The following MPPED1 variants were observed in gnomAD, a reference collection of about 807,000 sequenced individuals.
The protein encoded by MPPED1 is metallophosphoesterase domain-containing protein 1.
Under a neutral mutation model 36.2 loss-of-function variants are expected in MPPED1, and 16 were observed. The observed-to-expected ratio is 0.44, with a 90% CI of 0.30 to 0.67. MPPED1 has a LOEUF of 0.67. Among genes scored for constraint, MPPED1 ranks in the 30% least tolerant of loss-of-function variants. MPPED1 has a pLI of 0.10. For synonymous variants in MPPED1, 199 were observed against 191.3 expected (o/e 1.04, Z -0.33); for missense variants, 307 against 453.4 (o/e 0.68, Z 2.93).
At chr22:43,423,452 G>A (rs1929348119) in intron 1 of MPPED1, among the ~76,000 whole-genome samples, 1 of 152,200 alleles carries the variant, frequency 6.6e-6, no homozygotes, top group African/African-American at 2.4e-5. Context: ...AATGGCGCAA[G>A]TGTGTCCCCA....
chr22:43,418,117 G>A (rs951703473), intron 1 of MPPED1: 1 of 456,180 alleles, frequency 2.2e-6, no homozygotes, highest in African/African-American at 2.0e-5. Context: ...AGAAACACAG[G>A]TGTGTTCTGG....
At chr22:43,496,482 AGAT>A (rs1321206990) in intron 4 of MPPED1, among the ~76,000 whole-genome samples, 10 of 26,286 alleles carry the variant, frequency 3.8e-4, no homozygotes, top group Admixed American at 7.9e-4. Context: ...GTGGTGGTGG[AGAT>A]GGTGGTGGTG....
chr22:43,431,023 T>G (rs1053207579), intron 2 of MPPED1, among the ~76,000 whole-genome samples: 1,341 of 7,046 alleles, frequency 0.19, 8 homozygotes, highest in Non-Finnish European at 0.24. Flanking sequence ...TGTTGTTAAT[T>G]TTTTTTTTTT....
chr22:43,473,928 C>T (rs1931459903), intron 3 of MPPED1, among the ~76,000 whole-genome samples: 2 of 152,212 alleles, frequency 1.3e-5, no homozygotes, highest in African/African-American at 4.8e-5. Flanking sequence ...CCCAAAAGTT[C>T]GCACACAGCA....
At chr22:43,482,446 C>T (rs867551946) in intron 4 of MPPED1, among the ~76,000 whole-genome samples, 2 of 152,118 alleles carry the variant, frequency 1.3e-5, no homozygotes, top group African/African-American at 4.8e-5. Context: ...GCCAGGATGC[C>T]CTTCACCTCT....
intron 4 of MPPED1, among the ~76,000 whole-genome samples, chr22:43,480,886 T>C (rs1473454401): frequency 6.6e-6 from 1 of 151,336 alleles, no homozygotes; most frequent in Admixed American, 6.6e-5. Context: ...TGCAATGGCA[T>C]GATCTCGGCT....
intron 3 of MPPED1, among the ~76,000 whole-genome samples, chr22:43,472,933 A>G (rs1430709677): frequency 6.6e-6 from 1 of 151,412 alleles, no homozygotes; most frequent in Non-Finnish European, 1.5e-5. Flanking sequence ...ACCTCACTCT[A>G]CCCTTCCCTG....
chr22:43,464,738 G>A (rs1425516278), intron 3 of MPPED1, among the ~76,000 whole-genome samples: 1 of 152,186 alleles, frequency 6.6e-6, no homozygotes, highest in East Asian at 1.9e-4. Context: ...AGCTCACCTT[G>A]CTTCTTGTAG....
At chr22:43,457,304 T>C (rs1930787699) in intron 3 of MPPED1, among the ~76,000 whole-genome samples, 1 of 152,210 alleles carries the variant, frequency 6.6e-6, no homozygotes, top group Non-Finnish European at 1.5e-5. Context: ...TCTATTTTTT[T>C]CTGATGCTGG....
At chr22:43,434,908 C>T (rs1929897852) in intron 2 of MPPED1, 126 bp from the exon 3 acceptor site, 2 of 1,043,594 alleles carry the variant, frequency 1.9e-6, no homozygotes, top group East Asian at 2.5e-5. Flanking sequence ...GCGTCCAGTC[C>T]CTGGTCTGGT....
intron 1 of MPPED1, chr22:43,417,955 G>T (rs1281844744): frequency 6.8e-6 from 3 of 438,622 alleles, no homozygotes; most frequent in African/African-American, 6.0e-5. Flanking sequence ...GGGGATGGCT[G>T]TTGGGGGAGA....
chr22:43,472,774 G>A (rs542895747), intron 3 of MPPED1, among the ~76,000 whole-genome samples: 4 of 147,962 alleles, frequency 2.7e-5, no homozygotes, highest in African/African-American at 5.3e-5. Context: ...GCCATTTGCC[G>A]TGGCCATAGG....
At chr22:43,443,217 T>C (rs1033460661) in intron 3 of MPPED1, among the ~76,000 whole-genome samples, 1 of 152,130 alleles carries the variant, frequency 6.6e-6, no homozygotes, top group African/African-American at 2.4e-5. Flanking sequence ...TGCTGCACAG[T>C]GGAGGCCTGT....
chr22:43,495,701 GTGA>G (rs1569089003), intron 4 of MPPED1, among the ~76,000 whole-genome samples: 20 of 56,244 alleles, frequency 3.6e-4, no homozygotes, highest in Non-Finnish European at 5.0e-4. Flanking sequence ...GGTGGAGGTG[GTGA>G]TGGAGGTGGT....
Position 43,424,992 on chromosome 22 carries a change from C to T in MPPED1, c.7C>T (p.Arg3Cys), listed in dbSNP as rs759429599. ...GGGCGGCCGGCGGAGGTCCATGTGG[C>T]GCTCTAGGTGGGATGCCAGCGTCCT... MW[R>C]SRWDASVLKA... is the part of the protein sequence containing the mutation. The change falls in exon 2 of 7, where the codon CGC (arginine) becomes TGC (cysteine). Residue 3 changes from arginine to cysteine, a missense_variant. Transcript: ENST00000443721. 15 of 1,594,360 alleles carry T rather than the reference C, an allele frequency of 9.4e-6. No individual in the cohort carries two copies. Among genetic ancestry groups the T allele is most frequent in the East Asian group, 4.6e-5 (2 of 43,556 alleles).
At chr22:43,456,109 C>T (rs185993066) in intron 3 of MPPED1, among the ~76,000 whole-genome samples, 2 of 152,324 alleles carry the variant, frequency 1.3e-5, no homozygotes, top group East Asian at 3.9e-4. Context: ...TTTATTTCTT[C>T]CCTTCCGTTC....
intron 3 of MPPED1, among the ~76,000 whole-genome samples, chr22:43,465,750 G>A (rs543761518): frequency 6.6e-6 from 1 of 152,330 alleles, no homozygotes; most frequent in East Asian, 1.9e-4. Context: ...AGTTGACTCA[G>A]AAGGAAGGGC....
intron 3 of MPPED1, among the ~76,000 whole-genome samples, chr22:43,454,528 C>T (rs1184856657): frequency 6.6e-6 from 1 of 152,072 alleles, no homozygotes; most frequent in Admixed American, 6.6e-5. Context: ...TGGTCTTGAA[C>T]TCCTGGCTTC....
rs1422154451 is a variant in MPPED1 at position 43,455,115 on chromosome 22, C to CTTTTTTCTTTTT, written c.407-19615_407-19614insCTTTTTTTTTTT. 1.8e-3 allele frequency among the ~76,000 whole-genome samples: 216 copies of CTTTTTTCTTTTT among 122,784 alleles called. 9 individuals carry two copies. Among genetic ancestry groups the CTTTTTTCTTTTT allele is most frequent in the African/African-American group, 6.5e-3 (201 of 30,794 alleles). 80.6% of individuals were successfully genotyped at this position (122,784 alleles called of 152,430 possible). On this transcript the variant is annotated intron_variant, in intron 3 of 6. Coordinates refer to ENST00000443721, the MANE Select transcript of MPPED1 (RefSeq NM_001044370.2). Reference sequence around the variant, plus strand: ...TTCTCTGCCTCTCTGCCTTCATGTCCTTTTTTTTTTTTGAGACGAAGTCTT... The same window carrying CTTTTTTCTTTTT: ...TTCTCTGCCTCTCTGCCTTCATGTCCTTTTTTCTTTTTTTTTTTTTTTTTGAGACGAAGTCTT...
Sources: allele counts gnomAD v4.1 joint callset (sites outside exome capture counted in the v4.1 genomes callset), GRCh38; gene constraint gnomAD v4.1.1; transcripts MANE v1.5; gene names NCBI Gene and HGNC (gene_info 2026-07-23, HGNC 2026-07-21).